Variants in RPA1 observed in about 807,000 individuals in gnomAD.
RPA1 encodes the protein replication protein A 70 kDa DNA-binding subunit.
In RPA1, 49 loss-of-function variants were observed where a neutral mutation model predicts 83.0. That is an observed-to-expected ratio of 0.59 (90% confidence interval 0.47 to 0.75). The LOEUF is 0.75. RPA1 is among the 30% of genes least tolerant of loss of function. The pLI is 0.00. For missense variants in RPA1, 693 were observed against 776.1 expected (o/e 0.89, Z 1.27); for synonymous variants, 279 against 281.8 (o/e 0.99, Z 0.10).
At chr17:1,896,299 C>T (rs940338002) in intron 16 of RPA1, among the ~76,000 whole-genome samples, 10 of 152,312 alleles carry the variant, frequency 6.6e-5, no homozygotes, top group Admixed American at 4.6e-4. Context: ...GTGACAGCCC[C>T]GAGCTCGCCT....
intron 4 of RPA1, among the ~76,000 whole-genome samples, chr17:1,850,625 G>T (rs1912458929): frequency 6.6e-5 from 10 of 151,670 alleles, no homozygotes; most frequent in Admixed American, 5.3e-4. Context: ...GGCTGTGCTG[G>T]TGGCTCATGC....
At chr17:1,882,370 T>G (rs148072801) in intron 12 of RPA1, among the ~76,000 whole-genome samples, 183 of 152,264 alleles carry the variant, frequency 1.2e-3, no homozygotes, top group African/African-American at 4.3e-3. Flanking sequence ...TTATAAAATC[T>G]TTTGGGCCAG....
At chr17:1,892,264 C>T (rs17292426) in intron 15 of RPA1, among the ~76,000 whole-genome samples, 43 of 152,280 alleles carry the variant, frequency 2.8e-4, no homozygotes, top group African/African-American at 8.9e-4. Flanking sequence ...TTCAGCCACC[C>T]GAAATGCTGG....
At chr17:1,859,059 T>C (rs1206313410) in intron 5 of RPA1, among the ~76,000 whole-genome samples, 2 of 151,994 alleles carry the variant, frequency 1.3e-5, no homozygotes, top group African/African-American at 4.8e-5. Flanking sequence ...CCTGCCACCA[T>C]GCCTGGCTAA....
intron 15 of RPA1, among the ~76,000 whole-genome samples, chr17:1,892,497 G>A (rs1168416598): frequency 6.6e-6 from 1 of 152,166 alleles, no homozygotes. Context: ...TTTCTAAATC[G>A]AAGCCACCCG....
chr17:1,830,152 G>A, intron 1 of RPA1, 26 bp downstream of exon 1: 2 of 1,240,358 alleles, frequency 1.6e-6, no homozygotes, highest in Non-Finnish European at 2.0e-6. Context: ...GGGCTGGGCC[G>A]GCGGTCCGGG....
chr17:1,882,482 T>C (rs576562336), intron 12 of RPA1, among the ~76,000 whole-genome samples: 17 of 151,724 alleles, frequency 1.1e-4, no homozygotes, highest in African/African-American at 3.9e-4. Context: ...TGGTGAAACC[T>C]CGTCTCTACA....
At chr17:1,831,898 CTTTTTT>C (rs138268342) in intron 1 of RPA1, among the ~76,000 whole-genome samples, 8 of 37,812 alleles carry the variant, frequency 2.1e-4, no homozygotes, top group Admixed American at 1.9e-3. Context: ...TGTGCCCGGC[CTTTTTT>C]TTTTTTTTTT....
In RPA1 at chr17:1,847,950, G is replaced by A. The variant is rs1675270098; in HGVS notation, c.272+3264G>A. 2.6e-5 allele frequency among the ~76,000 whole-genome samples: 4 copies of A among 152,040 alleles called. 1 individual carries two copies. The South Asian group carries it at 8.3e-4, about 32-fold the overall frequency. On this transcript the variant is annotated intron_variant, in intron 4 of 16. Transcript: ENST00000254719. Reference sequence around the variant, plus strand: ...AGGCAGGAGAATCGCTTGAACCCAAGAGGCGGAGGTTGCAGTGAGCCGAGA... The same window carrying A: ...AGGCAGGAGAATCGCTTGAACCCAAAAGGCGGAGGTTGCAGTGAGCCGAGA...
intron 4 of RPA1, among the ~76,000 whole-genome samples, chr17:1,848,794 G>A (rs1185690035): frequency 6.6e-6 from 1 of 151,924 alleles, no homozygotes; most frequent in East Asian, 2.0e-4. Flanking sequence ...TTAAACTCCT[G>A]ACCTTGTGAT....
chr17:1,897,851 G>A lies in RPA1; in HGVS notation c.*676G>A, dbSNP rs1440197665. ...GACCGCTGATAAGCATTGACTTGCC[G>A]TCCCCTAAGGAAATCCGAGCGGCTA... is the stretch of plus-strand genomic sequence containing the variant. On this transcript the variant is annotated 3_prime_UTR_variant, in exon 17 of 17. Coordinates refer to ENST00000254719, the MANE Select transcript of RPA1 (RefSeq NM_002945.5). 1 of 152,644 alleles carries A rather than the reference G, an allele frequency of 6.6e-6. No individual in the cohort carries two copies. Among genetic ancestry groups the A allele is most frequent in the African/African-American group, 2.4e-5 (1 of 41,428 alleles). The allele number at this position is 152,644 out of a possible 1,614,324, so 9.5% of individuals were successfully genotyped here.
intron 5 of RPA1, among the ~76,000 whole-genome samples, chr17:1,868,375 A>C (rs1913260601): frequency 6.6e-6 from 1 of 152,234 alleles, no homozygotes. Flanking sequence ...ACTAAAGTTC[A>C]TTTTGTATCC....
intron 16 of RPA1, among the ~76,000 whole-genome samples, chr17:1,896,841 G>A (rs1162268091): frequency 2.0e-5 from 3 of 152,224 alleles, no homozygotes; most frequent in African/African-American, 7.2e-5. Flanking sequence ...GCTTCTGGGT[G>A]TTTGGGAGCT....
chr17:1,887,252 A>G (rs17292273), intron 13 of RPA1, among the ~76,000 whole-genome samples: 1,741 of 152,216 alleles, frequency 0.011, 42 homozygotes, highest in African/African-American at 0.04. Flanking sequence ...AACAACTACA[A>G]TAGTGACGTT....
At chr17:1,833,049 C>T (rs1322911089) in intron 1 of RPA1, among the ~76,000 whole-genome samples, 2 of 152,132 alleles carry the variant, frequency 1.3e-5, no homozygotes, top group African/African-American at 4.8e-5. Context: ...GTCTTAGCCT[C>T]CCTAGAAGCT....
intron 12 of RPA1, among the ~76,000 whole-genome samples, chr17:1,882,437 T>C (rs1283216374): frequency 6.6e-6 from 1 of 152,006 alleles, no homozygotes; most frequent in Non-Finnish European, 1.5e-5. Context: ...GGACAATTGC[T>C]TGAGGCCAGG....
chr17:1,838,774 T>C (rs932197568), intron 1 of RPA1, among the ~76,000 whole-genome samples: 1 of 152,228 alleles, frequency 6.6e-6, no homozygotes, highest in African/African-American at 2.4e-5. Flanking sequence ...AATACAGATA[T>C]TCAGTTGTTC....
intron 5 of RPA1, chr17:1,854,040 C>A (rs1183086427): frequency 6.6e-6 from 1 of 152,096 alleles, no homozygotes; most frequent in Non-Finnish European, 1.5e-5. Flanking sequence ...GTGATTATCT[C>A]TTGATGGTGA....
intron 6 of RPA1, among the ~76,000 whole-genome samples, chr17:1,874,918 G>A (rs779323476): frequency 6.6e-6 from 1 of 152,208 alleles, no homozygotes; most frequent in Non-Finnish European, 1.5e-5. Context: ...GATGTAGAGG[G>A]TATGAAATCA....
Sources: allele counts gnomAD v4.1 joint callset (sites outside exome capture counted in the v4.1 genomes callset), GRCh38; gene constraint gnomAD v4.1.1; transcripts MANE v1.5; gene names NCBI Gene and HGNC (gene_info 2026-07-23, HGNC 2026-07-21).